The following CSMD1 variants were observed in gnomAD, a reference collection of about 807,000 sequenced individuals.
The protein encoded by CSMD1 is CUB and Sushi multiple domains 1.
Under a neutral mutation model 417.5 loss-of-function variants are expected in CSMD1, and 213 were observed. That is an observed-to-expected ratio of 0.51 (90% CI 0.46 to 0.57). CSMD1 has a LOEUF of 0.57. Ranked by LOEUF, CSMD1 falls within the 20% of genes least tolerant of loss-of-function variation. The pLI, the probability that CSMD1 is intolerant of heterozygous loss-of-function variation, is 0.00. For synonymous variants in CSMD1, 2,862 were observed against 1,736.8 expected (o/e 1.65, Z -16.11); for missense variants, 6,923 against 4,529.7 (o/e 1.53, Z -15.17).
chr8:3,319,909 A>T (rs1806038874), intron 23 of CSMD1, among the ~76,000 whole-genome samples: 1 of 152,200 alleles, frequency 6.6e-6, no homozygotes, highest in East Asian at 1.9e-4. Flanking sequence ...TCATTAAAAA[A>T]ACTTTTATTT....
chr8:4,507,749 A>C (rs1332729555), intron 2 of CSMD1, among the ~76,000 whole-genome samples: 1 of 152,198 alleles, frequency 6.6e-6, no homozygotes, highest in Non-Finnish European at 1.5e-5. Context: ...AGTTTATCTA[A>C]AGACATCTTG....
chr8:4,049,580 C>G (rs1263999702), intron 3 of CSMD1, among the ~76,000 whole-genome samples: 2 of 152,044 alleles, frequency 1.3e-5, no homozygotes, highest in African/African-American at 4.8e-5. Context: ...CAACTACTAC[C>G]TGCTCTGTCT....
At chr8:4,694,254 G>T (rs553780268) in intron 1 of CSMD1, among the ~76,000 whole-genome samples, 1 of 152,268 alleles carries the variant, frequency 6.6e-6, no homozygotes, top group East Asian at 1.9e-4. Flanking sequence ...GAATGTAACA[G>T]CTTGTCTCCT....
intron 5 of CSMD1, among the ~76,000 whole-genome samples, chr8:3,819,438 A>T (rs1409229631): frequency 6.6e-6 from 1 of 152,060 alleles, no homozygotes; most frequent in Non-Finnish European, 1.5e-5. Context: ...AGAAAGTTGG[A>T]AGCTAGAAGT....
intron 3 of CSMD1, among the ~76,000 whole-genome samples, chr8:4,341,042 ATAC>A (rs1036511493): frequency 6.6e-6 from 1 of 152,080 alleles, no homozygotes; most frequent in African/African-American, 2.4e-5. Flanking sequence ...TTTAGAATCT[ATAC>A]TCTAAATCAA....
At chr8:3,145,850 C>A (rs992497778) in intron 40 of CSMD1, among the ~76,000 whole-genome samples, 1 of 152,212 alleles carries the variant, frequency 6.6e-6, no homozygotes, top group Non-Finnish European at 1.5e-5. Flanking sequence ...CCAGCACTGT[C>A]TTATCCCATT....
At chr8:3,947,583 G>A (rs535619095) in intron 5 of CSMD1, among the ~76,000 whole-genome samples, 1 of 152,178 alleles carries the variant, frequency 6.6e-6, no homozygotes, top group South Asian at 2.1e-4. Context: ...TAAACCATGG[G>A]TTATATAGAA....
At chr8:3,831,729 T>C (rs1219611570) in intron 5 of CSMD1, among the ~76,000 whole-genome samples, 2 of 152,108 alleles carry the variant, frequency 1.3e-5, no homozygotes, top group Non-Finnish European at 2.9e-5. Context: ...AAAGAATAGG[T>C]TTCCAAATAC....
At chr8:4,816,757 T>C (rs918748064) in intron 1 of CSMD1, among the ~76,000 whole-genome samples, 2 of 152,048 alleles carry the variant, frequency 1.3e-5, no homozygotes, top group Non-Finnish European at 2.9e-5. Context: ...GCAGGACTCA[T>C]CTAGGACTGA....
At chr8:4,664,321 A>G (rs1444218303) in intron 1 of CSMD1, among the ~76,000 whole-genome samples, 1 of 152,208 alleles carries the variant, frequency 6.6e-6, no homozygotes, top group African/African-American at 2.4e-5. Context: ...GCACTGTGGA[A>G]GGCTGAGGCG....
chr8:3,446,052 A>G (rs1471515329), intron 12 of CSMD1, among the ~76,000 whole-genome samples: 1 of 152,232 alleles, frequency 6.6e-6, no homozygotes, highest in Non-Finnish European at 1.5e-5. Flanking sequence ...ATTTTTGACA[A>G]GAAGGTGAAC....
chr8:4,728,086 A>G (rs1390945526), intron 1 of CSMD1, among the ~76,000 whole-genome samples: 1 of 146,870 alleles, frequency 6.8e-6, no homozygotes, highest in African/African-American at 2.5e-5. Flanking sequence ...GTTTGTAGGT[A>G]AATATGTACA....
chr8:3,312,848 G>A (rs1035410356), intron 23 of CSMD1, among the ~76,000 whole-genome samples: 5 of 152,172 alleles, frequency 3.3e-5, no homozygotes, highest in African/African-American at 1.2e-4. Flanking sequence ...TGACCCCTAG[G>A]CTGTTACTTT....
rs1038884981 is a variant in CSMD1 at position 3,385,527 on chromosome 8, G to C, written c.2782+1967C>G. ...TTTCATATACTTTTGCATTTGTTAGGATCTTCAAAGCAATGTTACACAATA... is the reference window on the plus strand; with the variant it reads ...TTTCATATACTTTTGCATTTGTTAGCATCTTCAAAGCAATGTTACACAATA... On this transcript the variant is annotated intron_variant, in intron 18 of 69. Coordinates refer to ENST00000635120, the MANE Select transcript of CSMD1 (RefSeq NM_033225.6). Among the ~76,000 whole-genome samples, 11 of 151,756 alleles carry C rather than the reference G, an allele frequency of 7.2e-5. 1 individual carries two copies. The South Asian group carries it at 1.7e-3, about 23-fold the overall frequency.
intron 7 of CSMD1, among the ~76,000 whole-genome samples, chr8:3,661,631 G>T (rs1437736507): frequency 6.6e-6 from 1 of 152,042 alleles, no homozygotes; most frequent in African/African-American, 2.4e-5. Flanking sequence ...CAAGTAGTTG[G>T]CATTACAGGT....
At chr8:3,213,408 C>G (rs943929844) in intron 30 of CSMD1, among the ~76,000 whole-genome samples, 1 of 152,110 alleles carries the variant, frequency 6.6e-6, no homozygotes, top group African/African-American at 2.4e-5. Context: ...GAAACCACCA[C>G]CTAGGTGAAG....
At chr8:3,152,508 C>G (rs748819997) in intron 39 of CSMD1, among the ~76,000 whole-genome samples, 11 of 152,050 alleles carry the variant, frequency 7.2e-5, no homozygotes, top group African/African-American at 2.2e-4. Flanking sequence ...TGTGGTGAAG[C>G]CTTTTTCTTT....
chr8:4,180,049 A>G (rs544601171), intron 3 of CSMD1, among the ~76,000 whole-genome samples: 1 of 152,228 alleles, frequency 6.6e-6, no homozygotes, highest in South Asian at 2.1e-4. Flanking sequence ...AACTGGAAAT[A>G]CCATTTGACC....
intron 3 of CSMD1, among the ~76,000 whole-genome samples, chr8:4,241,505 G>A (rs1303876717): frequency 6.6e-6 from 1 of 152,126 alleles, no homozygotes; most frequent in Admixed American, 6.5e-5. Flanking sequence ...TTGAATGTCT[G>A]TGCCCCCAGG....
Sources: allele counts gnomAD v4.1 joint callset (sites outside exome capture counted in the v4.1 genomes callset), GRCh38; gene constraint gnomAD v4.1.1; transcripts MANE v1.5; gene names NCBI Gene and HGNC (gene_info 2026-07-23, HGNC 2026-07-21).